Variants in HCFC2 observed in about 807,000 individuals in gnomAD.
HCFC2 encodes the protein host cell factor C2.
Under a neutral mutation model 89.2 loss-of-function variants are expected in HCFC2, and 18 were observed. The ratio of observed to expected loss-of-function variants is 0.20; its 90% CI spans 0.14 to 0.30. The LOEUF is 0.30. Among genes scored for constraint, HCFC2 ranks in the 10% least tolerant of loss-of-function variants. HCFC2 has a pLI of 1.00. For missense variants in HCFC2, 578 were observed against 956.1 expected (o/e 0.60, Z 5.21); for synonymous variants, 308 against 335.7 (o/e 0.92, Z 0.90).
At chr12:104,075,795 A>G (rs191597528) in intron 3 of HCFC2, among the ~76,000 whole-genome samples, 23 of 152,186 alleles carry the variant, frequency 1.5e-4, no homozygotes, top group South Asian at 1.0e-3. Flanking sequence ...TGCTTTTTCT[A>G]ACTTCTAATA....
intron 8 of HCFC2, among the ~76,000 whole-genome samples, chr12:104,087,410 CGTGTGTGT>C (rs10548495): frequency 0.014 from 1,852 of 133,178 alleles, 27 homozygotes; most frequent in South Asian, 0.083. Context: ...TACTGCAGTA[CGTGTGTGT>C]GTGTGTGTGT....
chr12:104,067,584 T>G (rs1322138809), intron 2 of HCFC2, among the ~76,000 whole-genome samples: 1 of 152,248 alleles, frequency 6.6e-6, no homozygotes, highest in African/African-American at 2.4e-5. Flanking sequence ...GTTAAAATAT[T>G]TACCATTCAT....
At position 104,080,739 on chromosome 12, in the gene HCFC2, C is replaced by T. The variant is rs1883659957; in HGVS notation, c.683-7C>T. On this transcript the variant is annotated splice_region_variant and splice_polypyrimidine_tract_variant and intron_variant, in intron 4 of 14. Coordinates refer to ENST00000229330, the MANE Select transcript of HCFC2 (RefSeq NM_013320.3). ...CAAGTTGCTAATATAATTATTTTTA[C>T]TTTTAGAAACTATGTCATGGTCAAA... The T allele has an allele frequency of 6.4e-7, 1 of 1,558,168 alleles. No individual in the cohort carries two copies. The highest frequency in any genetic ancestry group is 1.4e-5 in the African/African-American group (1 of 72,348).
chr12:104,082,241 A>G (rs909058528), intron 5 of HCFC2, among the ~76,000 whole-genome samples: 2 of 152,228 alleles, frequency 1.3e-5, no homozygotes, highest in African/African-American at 4.8e-5. Context: ...TAAGTATATT[A>G]TAGTTGAAAT....
At chr12:104,077,152 G>A (rs1248870989) in intron 3 of HCFC2, among the ~76,000 whole-genome samples, 1 of 151,952 alleles carries the variant, frequency 6.6e-6, no homozygotes, top group Admixed American at 6.6e-5. Flanking sequence ...TCTCCAACGT[G>A]TACTAAACTT....
At chr12:104,086,569 T>C (rs1883850893) in intron 7 of HCFC2, among the ~76,000 whole-genome samples, 2 of 151,788 alleles carry the variant, frequency 1.3e-5, no homozygotes, top group African/African-American at 4.8e-5. Context: ...ACTCATATAG[T>C]TTGGTAGTTT....
intron 3 of HCFC2, among the ~76,000 whole-genome samples, chr12:104,073,198 T>A (rs1883387275): frequency 6.7e-6 from 1 of 149,424 alleles, no homozygotes. Flanking sequence ...GGAGTCTAGC[T>A]GCATCGCCGA....
At chr12:104,092,591 G>A (rs1884053418) in intron 9 of HCFC2, among the ~76,000 whole-genome samples, 1 of 152,104 alleles carries the variant, frequency 6.6e-6, no homozygotes, top group South Asian at 2.1e-4. Flanking sequence ...TGGCCAACAT[G>A]GTGAAACCCT....
rs551216614 is a variant in HCFC2 at position 104,068,962 on chromosome 12, T to C, written c.473+855T>C. Among the ~76,000 whole-genome samples the C allele has an allele frequency of 6.6e-6, 1 of 152,304 alleles. No individual in the cohort carries two copies. The highest frequency in any genetic ancestry group is 2.1e-4 in the South Asian group (1 of 4,828). ...TAAAATGGTTACTATAGTGGTAATA[T>C]ATCCGTCATTTCATATAGTTACCCA... On this transcript the variant is annotated intron_variant, in intron 3 of 14. Coordinates refer to ENST00000229330, the MANE Select transcript of HCFC2 (RefSeq NM_013320.3). The surrounding 1 kb of genome is among the most constrained non-coding windows in gnomAD (Gnocchi z 4.1).
At chr12:104,083,347 A>G (rs1883740219) in intron 7 of HCFC2, among the ~76,000 whole-genome samples, 1 of 152,198 alleles carries the variant, frequency 6.6e-6, no homozygotes, top group African/African-American at 2.4e-5. Flanking sequence ...CAACAAGCCC[A>G]AACTGAGGGA....
At chr12:104,074,236 TCAGA>T (rs1299259345) in intron 3 of HCFC2, among the ~76,000 whole-genome samples, 1 of 152,180 alleles carries the variant, frequency 6.6e-6, no homozygotes, top group East Asian at 1.9e-4. Flanking sequence ...CCTCCTAGGC[TCAGA>T]CAGTCCCCCT....
intron 5 of HCFC2, among the ~76,000 whole-genome samples, chr12:104,081,492 C>T (rs1024161324): frequency 4.6e-5 from 7 of 151,546 alleles, no homozygotes; most frequent in African/African-American, 2.4e-5. Context: ...CATTGTGCCA[C>T]AATTAGAAGT....
intron 3 of HCFC2, among the ~76,000 whole-genome samples, chr12:104,073,167 CTTT>C (rs751054824): frequency 0.05 from 6,604 of 131,552 alleles, 150 homozygotes; most frequent in South Asian, 0.12. Flanking sequence ...TTCTGTTTGC[CTTT>C]TTTTTTTTTT....
rs1437497673 is a variant in HCFC2 at position 104,093,503 on chromosome 12, T to G, written c.1402T>G (p.Leu468Val). 1 of 1,613,106 alleles carries G rather than the reference T, an allele frequency of 6.2e-7. No homozygotes were observed. The highest frequency in any genetic ancestry group is 1.3e-5 in the African/African-American group (1 of 74,914). Residue 468 changes from leucine to valine, a missense_variant, in exon 10 of 15, where the codon TTG (leucine) becomes GTG (valine). Physicochemically the swap from Leu to Val is conservative, Grantham distance 32. Transcript: ENST00000229330. ...TTCTAATGCCATTTTATATCCATCT[T>G]TGGCATCAAATGCTTCTAATCATAA... ...TDSNAILYPSLASNASNHNSH... is the reference protein window; with the variant it reads ...TDSNAILYPSVASNASNHNSH...
chr12:104,099,617 T>TAA (rs899908984), intron 13 of HCFC2, among the ~76,000 whole-genome samples: 4 of 144,472 alleles, frequency 2.8e-5, no homozygotes, highest in Non-Finnish European at 3.1e-5. Flanking sequence ...TCTCTAAATT[T>TAA]AAAAAAAAAA....
At chr12:104,065,090 CAA>C (rs1420846157) in intron 1 of HCFC2, 3 of 184,680 alleles carry the variant, frequency 1.6e-5, no homozygotes, top group African/African-American at 7.0e-5. Context: ...CACTCCAAAC[CAA>C]AGTTCCTTAG....
At chr12:104,070,801 C>CTTTTTTTTT (rs35437369) in intron 3 of HCFC2, among the ~76,000 whole-genome samples, 2 of 125,008 alleles carry the variant, frequency 1.6e-5, no homozygotes, top group African/African-American at 2.9e-5. Flanking sequence ...ATACTTTTTA[C>CTTTTTTTTT]TTTTTTTTTT....
chr12:104,097,591 T>G, intron 12 of HCFC2: 1 of 804,352 alleles, frequency 1.2e-6, no homozygotes, highest in Middle Eastern at 6.4e-4. Context: ...AGCATGTACC[T>G]CTGCTGTTAT....
intron 13 of HCFC2, 82 bp downstream of exon 13, chr12:104,098,562 A>C: frequency 7.8e-7 from 1 of 1,280,088 alleles, no homozygotes; most frequent in Non-Finnish European, 1.1e-6. Flanking sequence ...TAGGGAAAGG[A>C]AAAAAAAATT....
Sources: allele counts gnomAD v4.1 joint callset (sites outside exome capture counted in the v4.1 genomes callset), GRCh38; gene constraint gnomAD v4.1.1; non-coding constraint Gnocchi (gnomAD v3.1); transcripts MANE v1.5; gene names NCBI Gene and HGNC (gene_info 2026-07-23, HGNC 2026-07-21).